The following CFAP54 variants were observed in gnomAD, a reference collection of about 807,000 sequenced individuals.
CFAP54 encodes the protein cilia and flagella associated protein 54.
Under a neutral mutation model 370.4 loss-of-function variants are expected in CFAP54, and 290 were observed. That is an observed-to-expected ratio of 0.78 (90% CI 0.71 to 0.86). The LOEUF (loss-of-function observed/expected upper bound fraction) is 0.86, where lower values mean the gene tolerates loss of function less well. Ranked by LOEUF, CFAP54 falls within the 40% of genes least tolerant of loss-of-function variation. CFAP54 has a pLI of 0.00. For synonymous variants in CFAP54, 1,206 were observed against 1,236.5 expected, an observed-to-expected ratio of 0.98 and a Z score of 0.52; for missense variants, 3,399 against 3,528.7, an observed-to-expected ratio of 0.96 and a Z score of 0.93.
chr12:96,837,198 G>GT (rs1959188909), intron 66 of CFAP54, among the ~76,000 whole-genome samples: 1 of 152,128 alleles, frequency 6.6e-6, no homozygotes, highest in Non-Finnish European at 1.5e-5. Context: ...TCTTATTCTA[G>GT]TAAGTTAACA....
chr12:96,547,497 T>G (rs1281326167), intron 14 of CFAP54, among the ~76,000 whole-genome samples: 2 of 152,172 alleles, frequency 1.3e-5, no homozygotes, highest in African/African-American at 4.8e-5. Flanking sequence ...CTGAAAGATT[T>G]TAAATGGACC....
At chr12:96,874,627 A>C (rs1797211) in intron 67 of CFAP54, among the ~76,000 whole-genome samples, 1 of 35,110 alleles carries the variant, frequency 2.8e-5, no homozygotes, top group African/African-American at 9.7e-5. Flanking sequence ...TTTTATTTTT[A>C]TTTTATTTTT....
chr12:96,669,544 C>G (rs570098999), intron 39 of CFAP54, among the ~76,000 whole-genome samples: 31 of 152,040 alleles, frequency 2.0e-4, no homozygotes, highest in Non-Finnish European at 4.0e-4. Flanking sequence ...CAGAGGATGT[C>G]CACAGGACTG....
intron 66 of CFAP54, among the ~76,000 whole-genome samples, chr12:96,829,603 A>G (rs1050723743): frequency 6.6e-6 from 1 of 152,004 alleles, no homozygotes; most frequent in Admixed American, 6.6e-5. Context: ...TCTGCAGTTG[A>G]TTGATCTTAG....
At chr12:96,684,037 C>T (rs968838711) in intron 40 of CFAP54, among the ~76,000 whole-genome samples, 4 of 152,072 alleles carry the variant, frequency 2.6e-5, no homozygotes, top group African/African-American at 9.7e-5. Context: ...GGTGATCTGC[C>T]CGGTTTGGCC....
At chr12:96,686,771 G>A (rs1957335269) in intron 42 of CFAP54, among the ~76,000 whole-genome samples, 1 of 151,984 alleles carries the variant, frequency 6.6e-6, no homozygotes, top group African/African-American at 2.4e-5. Context: ...TGGTGGGGAC[G>A]TATATTCAAA....
chr12:96,663,895 C>G lies in CFAP54; in HGVS notation c.5526C>G (p.Ser1842Arg). Residue 1842 changes from serine (S) to arginine (R), a missense_variant, in exon 39 of 68, where the codon AGC becomes AGG. Around this residue, in one of 3 missense-constraint regions of CFAP54, gnomAD observed 2,796 missense variants for 2,869.7 expected, o/e 0.97. Coordinates refer to ENST00000524981, the MANE Select transcript of CFAP54 (RefSeq NM_001306084.2). The stretch of plus-strand genomic sequence containing the variant: ...ATTCTTCAACCATTGAAGCAACAAG[C>G]AACTGCACAGATTTGCTAAAAATGC... ...KINSSTIEAT[S>R]NCTDLLKMLI... is the part of the protein sequence containing the mutation. 1 of 1,613,180 alleles carries G rather than the reference C, an allele frequency of 6.2e-7. No homozygotes were observed. Among genetic ancestry groups the G allele is most frequent in the East Asian group, 2.2e-5 (1 of 44,802 alleles).
chr12:96,685,082 A>G lies in CFAP54; in HGVS notation c.5858A>G (p.Asp1953Gly). 1.9e-6 allele frequency: 3 copies of G among 1,614,106 alleles called. No individual in the cohort carries two copies. The highest frequency in any genetic ancestry group is 2.5e-6 in the Non-Finnish European group (3 of 1,180,008). Residue 1953 changes from aspartate to glycine, a missense_variant, in exon 42 of 68, where the codon GAC (aspartate) becomes GGC (glycine). Around this residue, in one of 3 missense-constraint regions of CFAP54, gnomAD observed 2,796 missense variants for 2,869.7 expected, o/e 0.97. Coordinates refer to ENST00000524981, the MANE Select transcript of CFAP54 (RefSeq NM_001306084.2). ...QALDDIFRKP[D>G]VLHTWKEFGP... ...CTTGATGACATATTCAGAAAACCAGACGTGCTACACACGTGGAAAGAATTT... is the reference window on the plus strand; with the variant it reads ...CTTGATGACATATTCAGAAAACCAGGCGTGCTACACACGTGGAAAGAATTT...
chr12:96,499,410 A>G (rs1040763894), intron 1 of CFAP54, among the ~76,000 whole-genome samples: 2 of 152,194 alleles, frequency 1.3e-5, no homozygotes, highest in Non-Finnish European at 2.9e-5. Flanking sequence ...TTAAAGCAAC[A>G]ATAAGATACC....
At chr12:96,629,682 A>G (rs1364510240) in intron 30 of CFAP54, among the ~76,000 whole-genome samples, 1 of 151,736 alleles carries the variant, frequency 6.6e-6, no homozygotes. Flanking sequence ...AAATCTTCCT[A>G]ATTTTTTATT....
chr12:96,505,542 G>A (rs1592818734), intron 3 of CFAP54, among the ~76,000 whole-genome samples: 2 of 131,820 alleles, frequency 1.5e-5, no homozygotes, highest in African/African-American at 5.8e-5. Flanking sequence ...TCACTCTGTT[G>A]CCCAAGCTGG....
At chr12:96,539,221 C>G (rs914518474) in intron 13 of CFAP54, among the ~76,000 whole-genome samples, 4 of 150,990 alleles carry the variant, frequency 2.6e-5, no homozygotes, top group Non-Finnish European at 5.9e-5. Context: ...CCACCACGGC[C>G]GGCTAATTTT....
At chr12:96,731,349 GA>G (rs1284549112) in intron 50 of CFAP54, among the ~76,000 whole-genome samples, 2 of 152,234 alleles carry the variant, frequency 1.3e-5, no homozygotes, top group Non-Finnish European at 2.9e-5. Flanking sequence ...TGCTGCTTAT[GA>G]AAGCTATGGT....
intron 62 of CFAP54, among the ~76,000 whole-genome samples, chr12:96,789,081 C>T (rs17025924): frequency 0.012 from 1,781 of 152,210 alleles, 36 homozygotes; most frequent in African/African-American, 0.04. Context: ...TAATGAGTAC[C>T]AAAGTAGACA....
rs546227111 is a variant in CFAP54, at chr12:96,777,733, A to C, written c.8282-6984A>C. ...GGGCATGGCAATGAAGAATGCAAGC[A>C]CTGCTAGGATGGTTTGGTGCCACTA... On this transcript the variant is annotated intron_variant, in intron 60 of 67. Coordinates refer to ENST00000524981, the MANE Select transcript of CFAP54 (RefSeq NM_001306084.2). Among the ~76,000 whole-genome samples the C allele has an allele frequency of 2.0e-5, 3 of 152,188 alleles. No homozygotes were observed. The South Asian group carries it at 6.2e-4, about 32-fold the overall frequency.
chr12:96,546,374 ACTTC>A (rs1341204390), intron 14 of CFAP54, among the ~76,000 whole-genome samples: 3 of 151,922 alleles, frequency 2.0e-5, no homozygotes, highest in African/African-American at 7.3e-5. Context: ...TTTTCTCCAC[ACTTC>A]CTTCCCAAGA....
Position 96,688,836 on chromosome 12 carries a change from A to G in CFAP54, c.6015-80A>G, listed in dbSNP as rs1038605914. ...TTTTCTTATACTTTTTGTGTTCTAG[A>G]TATATATGTAAAGACATTTATATCA... On this transcript the variant is annotated intron_variant, in intron 42 of 67. Coordinates refer to ENST00000524981, the MANE Select transcript of CFAP54 (RefSeq NM_001306084.2). The G allele has an allele frequency of 3.0e-4, 211 of 712,146 alleles. 3 individuals are homozygous for G. The highest frequency in any genetic ancestry group is 3.7e-4 in the Non-Finnish European group (155 of 423,604). The allele number at this position is 712,146 out of a possible 1,614,324, so 44.1% of individuals were successfully genotyped here.
Position 96,594,358 on chromosome 12 carries a change from C to T in CFAP54, c.3428C>T (p.Ser1143Phe). ...GAACTTAGCAACTTCCTAAATGATT[C>T]CAGCTATGCCCTTCAAGCTGTGACT... ...ALELSNFLND[S>F]SYALQAVTQC... is the part of the protein sequence containing the mutation. The change falls in exon 25 of 68, where the codon TCC (serine) becomes TTC (phenylalanine). Residue 1143 changes from serine (S) to phenylalanine (F), a missense_variant. Coordinates refer to ENST00000524981, the MANE Select transcript of CFAP54 (RefSeq NM_001306084.2). 6.5e-7 allele frequency: 1 copy of T among 1,534,094 alleles called. No homozygotes were observed. The highest frequency in any genetic ancestry group is 8.7e-7 in the Non-Finnish European group (1 of 1,145,306).
At chr12:96,847,694 G>A (rs1231655563) in intron 66 of CFAP54, among the ~76,000 whole-genome samples, 1 of 152,182 alleles carries the variant, frequency 6.6e-6, no homozygotes, top group African/African-American at 2.4e-5. Context: ...CCAATAAAGA[G>A]GCCACTGTTC....
Sources: gnomAD v4.1 joint callset for allele counts (sites outside exome capture counted in the v4.1 genomes callset) on GRCh38, gnomAD v4.1.1 for gene constraint, gnomAD v4.1.1 regional missense constraint, MANE v1.5 for transcripts, NCBI Gene and HGNC (gene_info 2026-07-23, HGNC 2026-07-21) for gene names.